Variants in APBA1 observed in about 807,000 individuals in gnomAD.
The protein encoded by APBA1 is amyloid-beta A4 precursor protein-binding family A member 1.
Under a neutral mutation model 86.6 loss-of-function variants are expected in APBA1, and 55 were observed. The ratio of observed to expected loss-of-function variants is 0.64; its 90% CI spans 0.51 to 0.80. The LOEUF (loss-of-function observed/expected upper bound fraction) is 0.80. Ranked by LOEUF, APBA1 falls within the 30% of genes least tolerant of loss-of-function variation. The probability of loss-of-function intolerance (pLI) is 0.00; values close to 1 mark genes in which losing one functional copy is unlikely to be tolerated. For synonymous variants in APBA1, 511 were observed against 493.9 expected, an observed-to-expected ratio of 1.03 and a Z score of -0.46; for missense variants, 1,090 against 1,183.0, an observed-to-expected ratio of 0.92 and a Z score of 1.15.
At chr9:69,646,190 T>G (rs1259462006) in intron 1 of APBA1, among the ~76,000 whole-genome samples, 1 of 152,188 alleles carries the variant, frequency 6.6e-6, no homozygotes, top group Non-Finnish European at 1.5e-5. Context: ...GTAAATATGC[T>G]GTATTTGTTG....
rs1300716369 is a variant in APBA1 at position 69,455,985 on chromosome 9, TTTTA to T, written c.1788+258_1788+261del. Reference sequence around the variant, plus strand: ...CCTGTCCCTCCATCCCCTGACCCTGTTTTATTTGTCTGTGGAGCACTCCCCACTA... The same window carrying T: ...CCTGTCCCTCCATCCCCTGACCCTGTTTTGTCTGTGGAGCACTCCCCACTA... On this transcript the variant is annotated intron_variant, in intron 8 of 12. Coordinates refer to ENST00000265381, the MANE Select transcript of APBA1 (RefSeq NM_001163.4). 3.3e-5 allele frequency among the ~76,000 whole-genome samples: 5 copies of T among 152,158 alleles called. No individual in the cohort carries two copies. The East Asian group carries it at 9.6e-4, about 29-fold the overall frequency.
intron 12 of APBA1, among the ~76,000 whole-genome samples, chr9:69,432,269 G>A (rs1413309312): frequency 6.6e-6 from 1 of 152,242 alleles, no homozygotes; most frequent in Non-Finnish European, 1.5e-5. Context: ...GCAACAGAAA[G>A]CTGAGTGTTA....
intron 1 of APBA1, among the ~76,000 whole-genome samples, chr9:69,636,288 C>A (rs867889568): frequency 6.6e-6 from 1 of 152,176 alleles, no homozygotes; most frequent in Non-Finnish European, 1.5e-5. Context: ...ACCCTTATGT[C>A]CTGTTGAGGG....
chr9:69,607,713 C>T (rs1384067809), intron 1 of APBA1, among the ~76,000 whole-genome samples: 3 of 152,044 alleles, frequency 2.0e-5, no homozygotes, highest in Admixed American at 1.3e-4. Context: ...AAAACCAGTC[C>T]GTTTGGGCCA....
intron 4 of APBA1, among the ~76,000 whole-genome samples, chr9:69,471,421 C>T (rs76597739): frequency 0.073 from 11,092 of 152,226 alleles, 500 homozygotes; most frequent in Non-Finnish European, 0.11. Context: ...CCCACAGCTT[C>T]GACTCCAATT....
At chr9:69,487,322 C>G (rs1025955801) in intron 2 of APBA1, among the ~76,000 whole-genome samples, 42 of 152,192 alleles carry the variant, frequency 2.8e-4, no homozygotes, top group African/African-American at 9.9e-4. Flanking sequence ...CTGCCTCCCC[C>G]CAAAAATGCC....
chr9:69,653,489 C>A lies in APBA1; in HGVS notation c.-70+18664G>T, dbSNP rs143669589. Among the ~76,000 whole-genome samples the A allele has an allele frequency of 1.6e-3, 240 of 152,264 alleles. 1 individual carries two copies. Among genetic ancestry groups the A allele is most frequent in the African/African-American group, 5.3e-3 (220 of 41,536 alleles). ...AACAAACATTTACAGAACGTTCCAT[C>A]CAACAGCTACAGAATACACATTTTC... On this transcript the variant is annotated intron_variant, in intron 1 of 12. Transcript: ENST00000265381.
intron 3 of APBA1, among the ~76,000 whole-genome samples, 155 bp downstream of exon 3, chr9:69,475,893 C>A (rs927661792): frequency 2.6e-5 from 4 of 152,228 alleles, no homozygotes; most frequent in Non-Finnish European, 5.9e-5. Context: ...ATGGCTTTAA[C>A]AGGTGAACTG....
chr9:69,620,941 C>T (rs749267505), intron 1 of APBA1, among the ~76,000 whole-genome samples: 2 of 152,132 alleles, frequency 1.3e-5, no homozygotes, highest in South Asian at 2.1e-4. Flanking sequence ...TAGCAGCATG[C>T]GGCGGTCCTG....
chr9:69,558,559 CACATAT>C (rs907248982), intron 1 of APBA1, among the ~76,000 whole-genome samples: 3 of 137,462 alleles, frequency 2.2e-5, no homozygotes, highest in African/African-American at 8.8e-5. Context: ...CACACACACA[CACATAT>C]ATATATATAT....
chr9:69,466,505 CA>C (rs917321274), intron 5 of APBA1, among the ~76,000 whole-genome samples: 3 of 152,216 alleles, frequency 2.0e-5, no homozygotes, highest in Non-Finnish European at 2.9e-5. Flanking sequence ...TTCGCATCTG[CA>C]GGCTTCCCCT....
At chr9:69,598,883 G>A (rs7853648) in intron 1 of APBA1, among the ~76,000 whole-genome samples, 26,521 of 152,160 alleles carry the variant, frequency 0.17, 2,449 homozygotes, top group South Asian at 0.29. Context: ...GCTTTTTTTA[G>A]TTTATATTTC....
At position 69,483,161 on chromosome 9, in the gene APBA1, A is replaced by C. The variant is rs185007799; in HGVS notation, c.1201-7018T>G. ...CAAAAAAACAAAAAAACGAAACAAA[A>C]AAAAAAAAAAAGAATTCCACAGCAA... On this transcript the variant is annotated intron_variant, in intron 2 of 12. Coordinates refer to ENST00000265381, the MANE Select transcript of APBA1 (RefSeq NM_001163.4). Among the ~76,000 whole-genome samples, 422 of 121,632 alleles carry C rather than the reference A, an allele frequency of 3.5e-3. 3 individuals carry two copies. Among genetic ancestry groups the C allele is most frequent in the African/African-American group, 0.01 (345 of 33,098 alleles). 79.8% of individuals were successfully genotyped at this position (121,632 alleles called of 152,430 possible).
chr9:69,497,342 C>A lies in APBA1; in HGVS notation c.1200+18669G>T, dbSNP rs4744903. ...GTCTCAAGGCCTGCACTCTCCTGTG[C>A]GGCTCCCCTACACCACCAAGACCCC... On this transcript the variant is annotated intron_variant, in intron 2 of 12. Transcript: ENST00000265381. Among the ~76,000 whole-genome samples the A allele has an allele frequency of 7.1e-3, 1,076 of 151,990 alleles. 14 individuals are homozygous for A. The highest frequency in any genetic ancestry group is 0.024 in the African/African-American group (1,002 of 41,462).
chr9:69,616,252 T>C (rs1362526017), intron 1 of APBA1, among the ~76,000 whole-genome samples: 1 of 152,200 alleles, frequency 6.6e-6, no homozygotes, highest in Non-Finnish European at 1.5e-5. Context: ...TGCTCTATAT[T>C]ATTGGTTAAA....
chr9:69,555,138 G>A (rs1169148527), intron 1 of APBA1, among the ~76,000 whole-genome samples: 3 of 152,186 alleles, frequency 2.0e-5, no homozygotes, highest in Non-Finnish European at 4.4e-5. Flanking sequence ...TTCTTCCAAA[G>A]AGTAGTAGAT....
At chr9:69,504,091 G>A (rs1341328099) in intron 2 of APBA1, among the ~76,000 whole-genome samples, 1 of 152,024 alleles carries the variant, frequency 6.6e-6, no homozygotes, top group East Asian at 1.9e-4. Context: ...AGTATTGCTT[G>A]TGAAAAGTCC....
intron 2 of APBA1, 135 bp from the exon 3 acceptor site, chr9:69,476,278 A>T: frequency 3.3e-6 from 2 of 606,014 alleles, no homozygotes; most frequent in Non-Finnish European, 5.8e-6. Context: ...AAAACCTCTT[A>T]AAAAGGAGCT....
intron 1 of APBA1, among the ~76,000 whole-genome samples, chr9:69,588,699 C>A (rs1049663678): frequency 1.3e-5 from 2 of 152,250 alleles, no homozygotes; most frequent in South Asian, 2.1e-4. Context: ...ATGATGATCA[C>A]GATTATGGCA....
Sources: gnomAD v4.1 joint callset for allele counts (sites outside exome capture counted in the v4.1 genomes callset) on GRCh38, gnomAD v4.1.1 for gene constraint, MANE v1.5 for transcripts, NCBI Gene and HGNC (gene_info 2026-07-23, HGNC 2026-07-21) for gene names.